The following MRTFB variants were observed in gnomAD, a reference collection of about 807,000 sequenced individuals.
MRTFB encodes myocardin-related transcription factor B.
A neutral mutation model predicts 104.2 loss-of-function variants in MRTFB; 29 were observed. The ratio of observed to expected loss-of-function variants is 0.28; its 90% CI spans 0.21 to 0.38. The LOEUF is 0.38. Among genes scored for constraint, MRTFB ranks in the 10% least tolerant of loss-of-function variants. The pLI, the probability that MRTFB is intolerant of heterozygous loss-of-function variation, is 1.00. For synonymous variants in MRTFB, 535 were observed against 519.5 expected (o/e 1.03, Z -0.41); for missense variants, 1,270 against 1,341.6 (o/e 0.95, Z 0.83).
At chr16:14,113,747 A>G (rs2036395107) in intron 2 of MRTFB, among the ~76,000 whole-genome samples, 1 of 152,198 alleles carries the variant, frequency 6.6e-6, no homozygotes, top group African/African-American at 2.4e-5. Flanking sequence ...AGAGAACTCT[A>G]ACAAAAATTA....
At chr16:14,074,158 G>T (rs1046733293) in intron 1 of MRTFB, among the ~76,000 whole-genome samples, 2 of 152,116 alleles carry the variant, frequency 1.3e-5, no homozygotes, top group African/African-American at 2.4e-5. Context: ...AAACAGACAT[G>T]TAGGTAATGA....
intron 7 of MRTFB, among the ~76,000 whole-genome samples, chr16:14,218,225 A>G (rs2041512696): frequency 6.6e-6 from 1 of 151,800 alleles, no homozygotes; most frequent in African/African-American, 2.4e-5. Flanking sequence ...TGCCCGGCTA[A>G]TTTTTTCTAT....
At chr16:14,038,897 T>A in the MRTFB span, among the ~76,000 whole-genome samples, 1 of 152,068 alleles carries the variant, frequency 6.6e-6, no homozygotes, top group Non-Finnish European at 1.5e-5. Flanking sequence ...AAAAGGCACA[T>A]CTTACATGGC....
intron 2 of MRTFB, among the ~76,000 whole-genome samples, chr16:14,107,956 C>T (rs4780553): frequency 0.23 from 35,391 of 152,046 alleles, 7,760 homozygotes; most frequent in African/African-American, 0.57. Context: ...CCTGAACTTT[C>T]GTTTCAGATA....
chr16:14,030,003 G>T, the MRTFB span, among the ~76,000 whole-genome samples: 7 of 151,886 alleles, frequency 4.6e-5, no homozygotes, highest in East Asian at 1.9e-4. Flanking sequence ...GCATGGGGAG[G>T]GGGGAGGGGA....
intron 8 of MRTFB, among the ~76,000 whole-genome samples, chr16:14,231,973 T>G (rs1256281152): frequency 6.6e-6 from 1 of 152,246 alleles, no homozygotes; most frequent in Non-Finnish European, 1.5e-5. Context: ...TCTGGTTTTC[T>G]GAGTAGCAAA....
chr16:14,251,935 C>T lies in MRTFB; in HGVS notation c.2477C>T (p.Pro826Leu), dbSNP rs772519963. The change falls in exon 14 of 17, where the codon CCC (proline) becomes CTC (leucine). Residue 826 changes from proline (P) to leucine (L), a missense_variant. Physicochemically the swap from Pro to Leu is moderately conservative, Grantham distance 98. This residue lies in a region of MRTFB where 1,144 missense variants were observed against 1,131.5 expected (regional missense o/e 1.01). Transcript: ENST00000571589. The stretch of plus-strand genomic sequence containing the variant: ...CATCCTGCCCCAGCTGTCCAGCAGC[C>T]CTTTATCAATAAGGCCTCCAACAGT... ...QRHPAPAVQQ[P>L]FINKASNSVL... The T allele has an allele frequency of 1.1e-5, 18 of 1,614,144 alleles. No individual in the cohort carries two copies. The South Asian group carries it at 2.0e-4, about 18-fold the overall frequency.
At chr16:14,046,684 G>A in the MRTFB span, among the ~76,000 whole-genome samples, 2 of 152,214 alleles carry the variant, frequency 1.3e-5, no homozygotes, top group Middle Eastern at 3.4e-3. Context: ...CAACTGCCAC[G>A]ATCATGTTTC....
At chr16:14,245,805 C>T (rs1201065133) in intron 11 of MRTFB, 145 bp downstream of exon 11, 6 of 958,860 alleles carry the variant, frequency 6.3e-6, no homozygotes, top group African/African-American at 1.7e-5. Context: ...AAGGTATTTT[C>T]TTTTTACTTC....
rs1347549530 is a variant in MRTFB at position 14,261,782 on chromosome 16, G to A, written c.*338G>A. The stretch of plus-strand genomic sequence containing the variant: ...TGCAGCACAGTGACGTTAGGATTCT[G>A]GTAATTAACTACATTTAAATCTCTG... On this transcript the variant is annotated 3_prime_UTR_variant, in exon 17 of 17. Coordinates refer to ENST00000571589, the MANE Select transcript of MRTFB (RefSeq NM_001308142.2). The A allele has an allele frequency of 1.6e-5, 3 of 183,758 alleles. No homozygotes were observed. Among genetic ancestry groups the A allele is most frequent in the East Asian group, 2.8e-4 (2 of 7,178 alleles). 11.4% of individuals were successfully genotyped at this position (183,758 alleles called of 1,614,324 possible). A position where few individuals can be genotyped will look rare whatever the true frequency, so the allele number is the denominator to read the frequency against.
the MRTFB span, among the ~76,000 whole-genome samples, chr16:14,033,358 CA>C: frequency 6.9e-6 from 1 of 145,548 alleles, no homozygotes; most frequent in African/African-American, 2.6e-5. Context: ...CCAGCCTGGG[CA>C]ATATAGCAAG....
intron 2 of MRTFB, among the ~76,000 whole-genome samples, chr16:14,094,695 T>C (rs1477336676): frequency 6.6e-6 from 1 of 152,172 alleles, no homozygotes; most frequent in Non-Finnish European, 1.5e-5. Flanking sequence ...GGTTTGTAAA[T>C]TTCTTTAATT....
At chr16:14,008,236 T>C in the MRTFB span, among the ~76,000 whole-genome samples, 2 of 152,232 alleles carry the variant, frequency 1.3e-5, no homozygotes, top group East Asian at 1.9e-4. Flanking sequence ...ATTTTTTCTT[T>C]TGTTGCTTAT....
chr16:14,116,041 T>C (rs1242757908), intron 2 of MRTFB, among the ~76,000 whole-genome samples: 1 of 152,232 alleles, frequency 6.6e-6, no homozygotes, highest in Non-Finnish European at 1.5e-5. Context: ...TGCTGTTCTT[T>C]GTAAATCCTT....
chr16:14,032,392 A>G, the MRTFB span, among the ~76,000 whole-genome samples: 1 of 152,208 alleles, frequency 6.6e-6, no homozygotes, highest in African/African-American at 2.4e-5. Flanking sequence ...GTGTTCAGAG[A>G]GGGCATGTAA....
chr16:14,230,818 A>G (rs2042224797), intron 8 of MRTFB, among the ~76,000 whole-genome samples: 1 of 151,916 alleles, frequency 6.6e-6, no homozygotes, highest in Admixed American at 6.5e-5. Context: ...ATGCTGCTAT[A>G]AAGACACATG....
chr16:14,245,193 G>A (rs909553205), intron 10 of MRTFB, among the ~76,000 whole-genome samples: 1 of 152,148 alleles, frequency 6.6e-6, no homozygotes, highest in African/African-American at 2.4e-5. Context: ...TTCTGTCCCT[G>A]TATCAGCAAC....
At chr16:14,042,384 A>G in the MRTFB span, among the ~76,000 whole-genome samples, 1 of 152,190 alleles carries the variant, frequency 6.6e-6, no homozygotes, top group Non-Finnish European at 1.5e-5. Flanking sequence ...TGGGCCTCCT[A>G]AAGTGCTGGG....
intron 3 of MRTFB, among the ~76,000 whole-genome samples, chr16:14,190,594 T>C (rs2040135672): frequency 6.6e-6 from 1 of 152,226 alleles, no homozygotes; most frequent in Non-Finnish European, 1.5e-5. Context: ...TGATATTTGA[T>C]ATAAAGGACT....
Sources: gnomAD v4.1 joint callset for allele counts (sites outside exome capture counted in the v4.1 genomes callset) on GRCh38, gnomAD v4.1.1 for gene constraint, gnomAD v4.1.1 regional missense constraint, MANE v1.5 for transcripts, NCBI Gene and HGNC (gene_info 2026-07-23, HGNC 2026-07-21) for gene names.